The following KANK1 variants were observed in gnomAD, a reference collection of about 807,000 sequenced individuals.
KANK1 encodes KN motif and ankyrin repeat domain-containing protein 1.
In KANK1, 109 loss-of-function variants were observed where a neutral mutation model predicts 106.2. The ratio of observed to expected loss-of-function variants is 1.03; its 90% confidence interval spans 0.88 to 1.20. The LOEUF is 1.20. Ranked by LOEUF, KANK1 falls within the 50% of genes most tolerant of loss-of-function variation. The probability of loss-of-function intolerance (pLI) is 0.00; values close to 1 mark genes in which losing one functional copy is unlikely to be tolerated. For missense variants in KANK1, 2,399 were observed against 1,710.7 expected (o/e 1.40, Z -7.10); for synonymous variants, 873 against 652.2 (o/e 1.34, Z -5.16).
chr9:508,786 T>C (rs1387330340), intron 1 of KANK1, among the ~76,000 whole-genome samples: 1 of 146,320 alleles, frequency 6.8e-6, no homozygotes, highest in Non-Finnish European at 1.5e-5. Flanking sequence ...TATCAATTTT[T>C]AGGTTTGAGG....
At chr9:725,064 G>T (rs1196578986) in intron 3 of KANK1, among the ~76,000 whole-genome samples, 1 of 152,176 alleles carries the variant, frequency 6.6e-6, no homozygotes, top group Non-Finnish European at 1.5e-5. Flanking sequence ...TGAGGAGGAA[G>T]TTGGAGTTGT....
At chr9:535,025 C>G (rs972759135) in intron 1 of KANK1, among the ~76,000 whole-genome samples, 2 of 152,180 alleles carry the variant, frequency 1.3e-5, no homozygotes, top group Non-Finnish European at 2.9e-5. Context: ...CCTGCTGGGC[C>G]TCGCAGCCGT....
At chr9:545,022 G>A (rs1416488732) in intron 1 of KANK1, among the ~76,000 whole-genome samples, 1 of 152,014 alleles carries the variant, frequency 6.6e-6, no homozygotes, top group East Asian at 1.9e-4. Flanking sequence ...TGTAGCCTGA[G>A]CTGACCTTGG....
At chr9:626,144 G>T (rs372157925) in intron 1 of KANK1, among the ~76,000 whole-genome samples, 1 of 152,150 alleles carries the variant, frequency 6.6e-6, no homozygotes, top group Admixed American at 6.6e-5. Context: ...ATAAGCAACT[G>T]TATTTTAAGT....
Position 554,241 on chromosome 9 carries a change from G to T in KANK1, c.-84+49487G>T, listed in dbSNP as rs2061445023. 2.6e-5 allele frequency among the ~76,000 whole-genome samples: 4 copies of T among 152,322 alleles called. No individual in the cohort carries two copies. The South Asian group carries it at 8.3e-4, about 32-fold the overall frequency. ...TCTGAGTCTGAGGGCTGAGAACCTGGGAGCACCTGGCGTAAGTTTCCATCT... is the reference window on the plus strand; with the variant it reads ...TCTGAGTCTGAGGGCTGAGAACCTGTGAGCACCTGGCGTAAGTTTCCATCT... On this transcript the variant is annotated intron_variant, in intron 1 of 11. Transcript: ENST00000382297.
intron 3 of KANK1, among the ~76,000 whole-genome samples, chr9:724,279 A>T (rs986796803): frequency 1.3e-5 from 2 of 152,188 alleles, no homozygotes; most frequent in Non-Finnish European, 2.9e-5. Flanking sequence ...TGTTGCTTCA[A>T]AATAATCCAG....
chr9:520,242 G>T (rs2059483539), intron 1 of KANK1, among the ~76,000 whole-genome samples: 1 of 151,838 alleles, frequency 6.6e-6, no homozygotes, highest in African/African-American at 2.4e-5. Context: ...GGAGGTGGAG[G>T]TGGGAGGATC....
At position 732,195 on chromosome 9, in the gene KANK1, A is replaced by C. The variant is rs545149058; in HGVS notation, c.3006-183A>C. 192 of 611,244 alleles carry C rather than the reference A, an allele frequency of 3.1e-4. 1 individual carries two copies. In the Admixed American group the frequency reaches 5.2e-3, roughly 17 times the overall value. The allele number at this position is 611,244 out of a possible 1,614,324, so 37.9% of individuals were successfully genotyped here. A position where few individuals can be genotyped will look rare whatever the true frequency, so the allele number is the denominator to read the frequency against. ...GTTATATGATACCGATAACCAGTTT[A>C]AGTTAGAGTCCATTCAAAACCACCA... On this transcript the variant is annotated intron_variant, in intron 5 of 11. Coordinates refer to ENST00000382297, the MANE Select transcript of KANK1 (RefSeq NM_015158.5).
At chr9:671,153 C>T (rs1845814807) in intron 1 of KANK1, among the ~76,000 whole-genome samples, 1 of 151,760 alleles carries the variant, frequency 6.6e-6, no homozygotes, top group Non-Finnish European at 1.5e-5. Flanking sequence ...AATCTGATTC[C>T]AGTATCCTGC....
intron 1 of KANK1, among the ~76,000 whole-genome samples, chr9:580,086 G>T (rs1021305545): frequency 6.6e-6 from 1 of 152,118 alleles, no homozygotes; most frequent in Non-Finnish European, 1.5e-5. Flanking sequence ...TCTGATGTTC[G>T]TACGTGTTCA....
intron 3 of KANK1, among the ~76,000 whole-genome samples, chr9:479,904 A>T (rs1300182211): frequency 6.6e-6 from 1 of 152,218 alleles, no homozygotes; most frequent in Non-Finnish European, 1.5e-5. Flanking sequence ...TGGTGCGAAC[A>T]GTGATTTATT....
At chr9:638,213 C>G (rs1837588580) in intron 1 of KANK1, among the ~76,000 whole-genome samples, 2 of 152,164 alleles carry the variant, frequency 1.3e-5, no homozygotes, top group Admixed American at 1.3e-4. Flanking sequence ...TGATAGAATT[C>G]CTAAAACTGA....
At chr9:720,679 C>T (rs879596212) in intron 3 of KANK1, among the ~76,000 whole-genome samples, 5 of 152,150 alleles carry the variant, frequency 3.3e-5, no homozygotes, top group Non-Finnish European at 7.4e-5. Flanking sequence ...TCCTCAGAGA[C>T]GGGGTTTCAT....
chr9:732,468 TGAA>T lies in KANK1; in HGVS notation c.3102_3104del (p.Glu1039del), dbSNP rs758494538. 1.8e-5 allele frequency: 29 copies of T among 1,614,090 alleles called. No homozygotes were observed. Among genetic ancestry groups the T allele is most frequent in the South Asian group, 8.8e-5 (8 of 91,074 alleles). On this transcript the variant is annotated inframe_deletion, in exon 6 of 12. Transcript: ENST00000382297. ...AGTGTGATGTCATTGAGTATCCTCT[TGAA>T]GAAGAGGAGGAGGAGGAGGATGAAG...
chr9:569,266 T>G (rs1234235345), intron 1 of KANK1, among the ~76,000 whole-genome samples: 1 of 152,170 alleles, frequency 6.6e-6, no homozygotes, highest in African/African-American at 2.4e-5. Context: ...TTATAGTGCT[T>G]GCTAAGGTTT....
chr9:495,592 A>G (rs1033452661), intron 3 of KANK1: 17 of 152,120 alleles, frequency 1.1e-4, no homozygotes, highest in Non-Finnish European at 5.9e-5. Context: ...AGCATTGAAT[A>G]TAACTAACTC....
intron 3 of KANK1, among the ~76,000 whole-genome samples, chr9:727,184 A>G (rs1830908244): frequency 6.6e-6 from 1 of 152,194 alleles, no homozygotes; most frequent in South Asian, 2.1e-4. Flanking sequence ...ACATGGAAAC[A>G]ATAGCCTTCT....
intron 1 of KANK1, among the ~76,000 whole-genome samples, chr9:633,244 C>G (rs926111564): frequency 6.6e-6 from 1 of 152,036 alleles, no homozygotes; most frequent in African/African-American, 2.4e-5. Context: ...ATCAGAAGGT[C>G]AGGAGATCGA....
chr9:704,496 A>T (rs1252037512), intron 2 of KANK1, among the ~76,000 whole-genome samples: 1 of 152,208 alleles, frequency 6.6e-6, no homozygotes, highest in East Asian at 1.9e-4. Flanking sequence ...GGTATACTAC[A>T]TGACACTTCT....
Sources: gnomAD v4.1 joint callset for allele counts (sites outside exome capture counted in the v4.1 genomes callset) on GRCh38, gnomAD v4.1.1 for gene constraint, MANE v1.5 for transcripts, NCBI Gene and HGNC (gene_info 2026-07-23, HGNC 2026-07-21) for gene names.